The following IGSF21 variants were observed in gnomAD, a reference collection of about 807,000 sequenced individuals.
IGSF21 encodes the protein immunoglobulin superfamily member 21.
A neutral mutation model predicts 46.8 loss-of-function variants in IGSF21; 28 were observed. The ratio of observed to expected loss-of-function variants is 0.60; its 90% CI spans 0.44 to 0.82. IGSF21 has a LOEUF of 0.82. Among genes scored for constraint, IGSF21 ranks in the 40% least tolerant of loss-of-function variants. IGSF21 has a pLI of 0.00. For missense variants in IGSF21, 624 were observed against 665.5 expected (o/e 0.94, Z 0.69); for synonymous variants, 284 against 273.6 (o/e 1.04, Z -0.38).
Position 18,322,371 on chromosome 1 carries a change from CTGG to C in IGSF21, c.306-12517_306-12515del, listed in dbSNP as rs1402517053. On this transcript the variant is annotated intron_variant, in intron 3 of 9. Transcript: ENST00000251296. This position sits in a 1 kb window ranked among gnomAD's most constrained non-coding sequence, Gnocchi z 4.3. ...ACCTTCCACGCCCGTCTTCCCTCTT[CTGG>C]TGGAGGCAGGCTTGGTTCCAACAGG... Among the ~76,000 whole-genome samples the C allele has an allele frequency of 6.6e-6, 1 of 152,108 alleles. No homozygotes were observed. The highest frequency in any genetic ancestry group is 2.4e-5 in the African/African-American group (1 of 41,414).
chr1:18,267,388 G>T (rs1001475714), intron 2 of IGSF21, among the ~76,000 whole-genome samples: 1 of 152,134 alleles, frequency 6.6e-6, no homozygotes, highest in Non-Finnish European at 1.5e-5. Context: ...GATGTGGGGA[G>T]CTCATTTTCC....
rs144946470 is a variant in IGSF21 at position 18,157,073 on chromosome 1, G to A, written c.70+48875G>A. ...CGGAAGGCGGAGTTTGCAGAGAGCC[G>A]AGATTGCACCACTGCATGCACTCCA... On this transcript the variant is annotated intron_variant, in intron 1 of 9. Transcript: ENST00000251296. Among the ~76,000 whole-genome samples, 766 of 152,144 alleles carry A rather than the reference G, an allele frequency of 5.0e-3. 9 individuals carry two copies. The highest frequency in any genetic ancestry group is 0.018 in the African/African-American group (727 of 41,500).
intron 4 of IGSF21, among the ~76,000 whole-genome samples, chr1:18,360,533 G>A (rs1306921766): frequency 6.6e-6 from 1 of 152,190 alleles, no homozygotes; most frequent in Non-Finnish European, 1.5e-5. Flanking sequence ...GTAGGTGTCA[G>A]GAAATGTTTG....
intron 1 of IGSF21, among the ~76,000 whole-genome samples, chr1:18,189,511 ATAATG>A (rs2086935215): frequency 6.6e-6 from 1 of 152,106 alleles, no homozygotes; most frequent in Admixed American, 6.6e-5. Context: ...ATTGTAATAT[ATAATG>A]TAATAATTAT....
intron 2 of IGSF21, among the ~76,000 whole-genome samples, chr1:18,240,311 T>C (rs1168540829): frequency 6.6e-6 from 1 of 152,058 alleles, no homozygotes; most frequent in South Asian, 2.1e-4. Flanking sequence ...CCAAAACAAA[T>C]ACGCAAAACA....
intron 4 of IGSF21, among the ~76,000 whole-genome samples, chr1:18,350,224 T>A (rs1409869453): frequency 1.3e-5 from 2 of 152,186 alleles, no homozygotes; most frequent in African/African-American, 4.8e-5. Context: ...ATGGCCAGGA[T>A]GCCTCAAGAG....
intron 1 of IGSF21, among the ~76,000 whole-genome samples, chr1:18,197,244 G>A (rs1395438068): frequency 1.3e-5 from 2 of 152,164 alleles, no homozygotes; most frequent in East Asian, 3.9e-4. Context: ...TCAGTGCCTG[G>A]AGAGCAGAGA....
intron 3 of IGSF21, among the ~76,000 whole-genome samples, chr1:18,315,877 G>A (rs1251051974): frequency 6.7e-6 from 1 of 150,040 alleles, no homozygotes; most frequent in Non-Finnish European, 1.5e-5. Context: ...GAGATGAGAA[G>A]TGAGTGGATG....
intron 1 of IGSF21, among the ~76,000 whole-genome samples, chr1:18,116,381 A>C (rs1464904384): frequency 6.6e-6 from 1 of 152,094 alleles, no homozygotes; most frequent in Non-Finnish European, 1.5e-5. Context: ...GTTGTCCACC[A>C]CTTCCTAACA....
At chr1:18,250,550 GATATGTA>G (rs1333497157) in intron 2 of IGSF21, among the ~76,000 whole-genome samples, 1 of 152,152 alleles carries the variant, frequency 6.6e-6, no homozygotes. Context: ...CTCATAAAGA[GATATGTA>G]ATTAAACTAC....
At chr1:18,172,813 C>A (rs1335433168) in intron 1 of IGSF21, among the ~76,000 whole-genome samples, 1 of 152,108 alleles carries the variant, frequency 6.6e-6, no homozygotes, top group Non-Finnish European at 1.5e-5. Context: ...AAGTGACTTG[C>A]CCAAATCACA....
intron 1 of IGSF21, among the ~76,000 whole-genome samples, chr1:18,144,104 AC>A (rs1298040909): frequency 6.6e-6 from 1 of 151,448 alleles, no homozygotes; most frequent in African/African-American, 2.4e-5. Context: ...GTCAGTGTCT[AC>A]TCTGTTCCGT....
chr1:18,376,187 A>G (rs1161337223), intron 6 of IGSF21, 123 bp from the exon 7 acceptor site: 1 of 752,762 alleles, frequency 1.3e-6, no homozygotes, highest in South Asian at 1.4e-5. Context: ...GAATGAGCAC[A>G]CTGAGCTTCT....
intron 3 of IGSF21, among the ~76,000 whole-genome samples, chr1:18,318,167 T>C (rs534910312): frequency 1.1e-4 from 16 of 152,292 alleles, no homozygotes; most frequent in African/African-American, 3.4e-4. Context: ...GCCATTGGCA[T>C]TTCCTGAGCC....
chr1:18,108,093 C>A lies in IGSF21; in HGVS notation c.-36C>A, dbSNP rs1425582079. The stretch of plus-strand genomic sequence containing the variant: ...GGACCCGCCGCCACCGCCTCCACCC[C>A]CGCCGCCCCGCCACCGCCGCCAGCT... On this transcript the variant is annotated 5_prime_UTR_variant, in exon 1 of 10. Coordinates refer to ENST00000251296, the MANE Select transcript of IGSF21 (RefSeq NM_032880.5). 12 of 1,121,042 alleles carry A rather than the reference C, an allele frequency of 1.1e-5. No individual in the cohort carries two copies. The highest frequency in any genetic ancestry group is 1.7e-5 in the South Asian group (1 of 58,820). The allele number at this position is 1,121,042 out of a possible 1,614,324, so 69.4% of individuals were successfully genotyped here.
At chr1:18,255,418 G>T (rs927209210) in intron 2 of IGSF21, among the ~76,000 whole-genome samples, 1 of 152,156 alleles carries the variant, frequency 6.6e-6, no homozygotes, top group African/African-American at 2.4e-5. Context: ...GATTGGGACA[G>T]ACATGGACAC....
At chr1:18,259,097 A>G (rs1419228179) in intron 2 of IGSF21, among the ~76,000 whole-genome samples, 1 of 152,156 alleles carries the variant, frequency 6.6e-6, no homozygotes, top group East Asian at 1.9e-4. Context: ...AATAAATAAA[A>G]CAGTAAAAGG....
intron 3 of IGSF21, among the ~76,000 whole-genome samples, chr1:18,307,565 C>A (rs2085439419): frequency 6.6e-6 from 1 of 152,220 alleles, no homozygotes; most frequent in Non-Finnish European, 1.5e-5. Context: ...GGGATTCAAA[C>A]CCGCCTGCTG....
chr1:18,203,049 A>T (rs2087092378), intron 1 of IGSF21, among the ~76,000 whole-genome samples: 1 of 151,964 alleles, frequency 6.6e-6, no homozygotes. Context: ...GCTGGGTAAC[A>T]CTGGGATTTG....
Sources: gnomAD v4.1 joint callset for allele counts (sites outside exome capture counted in the v4.1 genomes callset) on GRCh38, gnomAD v4.1.1 for gene constraint, Gnocchi (gnomAD v3.1) non-coding constraint, MANE v1.5 for transcripts, NCBI Gene and HGNC (gene_info 2026-07-23, HGNC 2026-07-21) for gene names.